Variants in TYW1B observed in about 807,000 individuals in gnomAD.
The protein encoded by TYW1B is tRNA-yW synthesizing protein 1 homolog B, also known as S-adenosyl-L-methionine-dependent tRNA 4-demethylwyosine synthase TYW1B.
In TYW1B, 73 loss-of-function variants were observed where a neutral mutation model predicts 86.9. That is an observed-to-expected ratio of 0.84 (90% CI 0.70 to 1.02). The LOEUF (loss-of-function observed/expected upper bound fraction) is 1.02. Among genes scored for constraint, TYW1B ranks in the 50% least tolerant of loss-of-function variants. The probability of loss-of-function intolerance (pLI) is 0.00; values close to 1 mark genes in which losing one functional copy is unlikely to be tolerated. For missense variants in TYW1B, 637 were observed against 827.4 expected (o/e 0.77, Z 2.82); for synonymous variants, 248 against 292.8 (o/e 0.85, Z 1.56).
rs531809962 is a variant in TYW1B, at chr7:72,604,488, T to C, written c.1785+12184A>G. 3.8e-4 allele frequency among the ~76,000 whole-genome samples: 58 copies of C among 151,960 alleles called. 1 individual carries two copies. Among genetic ancestry groups the C allele is most frequent in the Admixed American group, 3.7e-3 (56 of 15,240 alleles). ...AAAAATAAAAAAATTTTTAAAAATTTTACAGGAAGAATGAAGTTTTGAAAC... is the reference window on the plus strand; with the variant it reads ...AAAAATAAAAAAATTTTTAAAAATTCTACAGGAAGAATGAAGTTTTGAAAC... On this transcript the variant is annotated intron_variant, in intron 13 of 13. Transcript: ENST00000620995.
chr7:72,694,931 A>G, intron 10 of TYW1B, 109 bp from the exon 11 acceptor site: 29 of 1,177,304 alleles, frequency 2.5e-5, no homozygotes, highest in Non-Finnish European at 2.9e-5. Context: ...CACAGGGTCT[A>G]GAGACTTCCA....
At chr7:72,606,957 A>G (rs1811815794) in intron 13 of TYW1B, among the ~76,000 whole-genome samples, 1 of 152,204 alleles carries the variant, frequency 6.6e-6, no homozygotes, top group Non-Finnish European at 1.5e-5. Context: ...AAAATCACTT[A>G]TCACACCTAG....
intron 13 of TYW1B, among the ~76,000 whole-genome samples, chr7:72,593,821 A>AC (rs1563022425): frequency 2.2e-5 from 1 of 45,590 alleles, no homozygotes; most frequent in Non-Finnish European, 3.6e-5. Flanking sequence ...GACTCCATCT[A>AC]AAAAAAAAAA....
At chr7:72,643,824 A>G (rs1563043201) in intron 11 of TYW1B, among the ~76,000 whole-genome samples, 1 of 152,160 alleles carries the variant, frequency 6.6e-6, no homozygotes, top group Non-Finnish European at 1.5e-5. Flanking sequence ...ACAATTATTT[A>G]TGGTGTTTGA....
chr7:72,678,230 T>A (rs1186885827), intron 11 of TYW1B, among the ~76,000 whole-genome samples: 1 of 152,138 alleles, frequency 6.6e-6, no homozygotes, highest in Non-Finnish European at 1.5e-5. Flanking sequence ...CATGCAAGTC[T>A]GGTGCTGATG....
At chr7:72,681,268 A>C (rs1270346597) in intron 11 of TYW1B, among the ~76,000 whole-genome samples, 2 of 152,240 alleles carry the variant, frequency 1.3e-5, no homozygotes, top group Admixed American at 1.3e-4. Context: ...CTTATGTGGC[A>C]ATCATGTGTC....
chr7:72,806,016 A>G (rs1445995993), intron 5 of TYW1B, among the ~76,000 whole-genome samples: 1 of 152,076 alleles, frequency 6.6e-6, no homozygotes, highest in Non-Finnish European at 1.5e-5. Flanking sequence ...GTGAGGGAAA[A>G]AGCGGAATCT....
intron 10 of TYW1B, among the ~76,000 whole-genome samples, chr7:72,703,450 G>A (rs1169472561): frequency 6.6e-6 from 1 of 152,062 alleles, no homozygotes; most frequent in Non-Finnish European, 1.5e-5. Context: ...ATTCCATTGT[G>A]TTCAGATATC....
chr7:72,663,717 T>C (rs1204726310), intron 11 of TYW1B, among the ~76,000 whole-genome samples: 2 of 119,176 alleles, frequency 1.7e-5, no homozygotes, highest in Non-Finnish European at 3.2e-5. Flanking sequence ...TGAGCCGAGA[T>C]CACGCCACTG....
chr7:72,735,820 A>T (rs1554460924), intron 8 of TYW1B, among the ~76,000 whole-genome samples: 2 of 150,928 alleles, frequency 1.3e-5, no homozygotes, highest in Non-Finnish European at 3.0e-5. Flanking sequence ...CAGTGAGCTG[A>T]GATCAGGCCA....
At chr7:72,819,459 G>T (rs1158912949) in intron 2 of TYW1B, among the ~76,000 whole-genome samples, 1 of 152,022 alleles carries the variant, frequency 6.6e-6, no homozygotes, top group East Asian at 1.9e-4. Context: ...TTGAGAGAAG[G>T]TCTCACTCTG....
At chr7:72,616,507 A>G (rs1554436871) in intron 13 of TYW1B, among the ~76,000 whole-genome samples, 165 bp downstream of exon 13, 1 of 152,242 alleles carries the variant, frequency 6.6e-6, no homozygotes, top group Non-Finnish European at 1.5e-5. Context: ...AAAAGAGTTT[A>G]TGAGCCCAGC....
chr7:72,725,238 TC>T (rs1448562451), intron 9 of TYW1B, among the ~76,000 whole-genome samples: 1 of 152,132 alleles, frequency 6.6e-6, no homozygotes, highest in Non-Finnish European at 1.5e-5. Context: ...AAAATTACTA[TC>T]CAAACTCAGA....
intron 10 of TYW1B, among the ~76,000 whole-genome samples, chr7:72,704,727 C>T (rs1814572984): frequency 6.6e-6 from 1 of 152,060 alleles, no homozygotes; most frequent in African/African-American, 2.4e-5. Context: ...GCAATGCCAC[C>T]ATAAGGTAGT....
chr7:72,596,425 T>C (rs1482786340), intron 13 of TYW1B, among the ~76,000 whole-genome samples: 3 of 152,082 alleles, frequency 2.0e-5, no homozygotes, highest in African/African-American at 2.4e-5. Context: ...AACAGTGTGA[T>C]ACTGGCATAA....
intron 10 of TYW1B, among the ~76,000 whole-genome samples, chr7:72,711,968 T>C (rs1302960043): frequency 1.3e-5 from 2 of 152,064 alleles, no homozygotes; most frequent in Non-Finnish European, 2.9e-5. Context: ...CTCAAGGAAC[T>C]TGCAGTCTAA....
At chr7:72,818,199 C>T (rs1353349622) in intron 2 of TYW1B, among the ~76,000 whole-genome samples, 4 of 151,934 alleles carry the variant, frequency 2.6e-5, no homozygotes, top group Non-Finnish European at 4.4e-5. Context: ...TGGATGTTGG[C>T]ACCATGCTTG....
chr7:72,662,192 C>T lies in TYW1B; in HGVS notation c.1506+32495G>A, dbSNP rs182359269. On this transcript the variant is annotated intron_variant, in intron 11 of 13. Transcript: ENST00000620995. ...CATAAAGGCAAAAGATGGTAATTTG[C>T]TTTCATAAGCCAGGAGAAGAAAAGA... Among the ~76,000 whole-genome samples, 28 of 152,284 alleles carry T rather than the reference C, an allele frequency of 1.8e-4. No homozygotes were observed. The East Asian group carries it at 5.0e-3, about 27-fold the overall frequency.
At chr7:72,745,051 G>T (rs1554463456) in intron 7 of TYW1B, among the ~76,000 whole-genome samples, 2 of 152,166 alleles carry the variant, frequency 1.3e-5, no homozygotes, top group Non-Finnish European at 2.9e-5. Flanking sequence ...TTGAGACAGG[G>T]TCTTGCTCTG....
Sources: allele counts gnomAD v4.1 joint callset (sites outside exome capture counted in the v4.1 genomes callset), GRCh38; gene constraint gnomAD v4.1.1; transcripts MANE v1.5; gene names NCBI Gene and HGNC (gene_info 2026-07-23, HGNC 2026-07-21).